FASN: variants seen among roughly 807,000 people sequenced by gnomAD.
FASN encodes 3-hydroxyacyl-[acyl-carrier-protein] dehydratase.
A neutral mutation model predicts 250.0 loss-of-function variants in FASN; 50 were observed. The ratio of observed to expected loss-of-function variants is 0.20; its 90% CI spans 0.16 to 0.25. The LOEUF (loss-of-function observed/expected upper bound fraction) is 0.25, where lower values mean the gene tolerates loss of function less well. Among genes scored for constraint, FASN ranks in the 10% least tolerant of loss-of-function variants. The probability of loss-of-function intolerance (pLI) is 1.00; values close to 1 mark genes in which losing one functional copy is unlikely to be tolerated. For synonymous variants in FASN, 1,909 were observed against 1,584.0 expected (o/e 1.21, Z -4.87); for missense variants, 3,031 against 3,498.5 (o/e 0.87, Z 3.37).
intron 38 of FASN, 93 bp from the exon 39 acceptor site, chr17:82,081,015 T>C: frequency 7.2e-7 from 1 of 1,398,222 alleles, no homozygotes; most frequent in Non-Finnish European, 9.9e-7. Flanking sequence ...GTCCCCACGG[T>C]GCTACGTCAG....
At position 82,095,404 on chromosome 17, in the gene FASN, C is replaced by T. The variant is rs761309249; in HGVS notation, c.196G>A (p.Gly66Arg). 9 of 1,612,848 alleles carry T rather than the reference C, an allele frequency of 5.6e-6. No homozygotes were observed. Among genetic ancestry groups the T allele is most frequent in the African/African-American group, 1.3e-5 (1 of 74,936 alleles). ...GTGTGTGCCTGCTTGGGGTGGACTC[C>T]GAAGAAGGAGGCATCAAACCTAGAC... ...DLSRFDASFF[G>R]VHPKQAHTMD... Residue 66 changes from glycine to arginine, a missense_variant, in exon 3 of 43, where the codon GGA becomes AGA. Transcript: ENST00000306749.
At position 82,093,268 on chromosome 17, in the gene FASN, C is replaced by T; in HGVS notation, c.606G>A (p.Arg202=). The T allele has an allele frequency of 6.3e-7, 1 of 1,595,832 alleles. No individual in the cohort carries two copies. The highest frequency in any genetic ancestry group is 8.5e-7 in the Non-Finnish European group (1 of 1,172,160). The change falls in exon 5 of 43, where the codon AGG becomes AGA. Residue 202 remains arginine (R), a synonymous_variant. Transcript: ENST00000306749. ...LKPNTSVQFL[R]LGMLSPEGTC... Reference sequence around the variant, plus strand: ...TGCCCTCGGGGCTGAGCATCCCCAGCCTCAAGAACTGCACGGAGGTGTTGG... The same window carrying T: ...TGCCCTCGGGGCTGAGCATCCCCAGTCTCAAGAACTGCACGGAGGTGTTGG...
Position 82,079,809 on chromosome 17 carries a change from C to A in FASN, c.7147-201G>T, listed in dbSNP as rs984748077. ...CTCCTCCCTCCGCAACCTCCACCTA[C>A]CCGGTTCAAGCGATTCTCCTCCCGA... On this transcript the variant is annotated intron_variant, in intron 41 of 42. Coordinates refer to ENST00000306749, the MANE Select transcript of FASN (RefSeq NM_004104.5). The A allele has an allele frequency of 2.2e-5, 16 of 739,326 alleles. No individual in the cohort carries two copies. In the African/African-American group the frequency reaches 2.3e-4, roughly 11 times the overall value. 45.8% of individuals were successfully genotyped at this position (739,326 alleles called of 1,614,324 possible).
At chr17:82,079,778 G>A in intron 41 of FASN, 170 bp from the exon 42 acceptor site, 1 of 938,894 alleles carries the variant, frequency 1.1e-6, no homozygotes, top group Middle Eastern at 3.4e-4. Flanking sequence ...CCCGGTTCAA[G>A]CGATTCTCCT....
chr17:82,087,911 C>T (rs753214243), intron 18 of FASN, 43 bp downstream of exon 18: 80 of 1,611,666 alleles, frequency 5.0e-5, no homozygotes, highest in Non-Finnish European at 6.3e-5. Flanking sequence ...GCATGGCCAG[C>T]GGGCACAGCC....
rs780024238 is a variant in FASN, at chr17:82,087,374, G to C, written c.3174C>G (p.Asp1058Glu). ...LPTRVTAIHI[D>E]PATHRQKLYT... ...ACAGCTTCTGCCTGTGGGTGGCAGG[G>C]TCGATGTGGATGGCGGTGACACGGG... Residue 1058 changes from aspartate (D) to glutamate (E), a missense_variant, in exon 20 of 43, where the codon GAC becomes GAG. By Grantham distance (45) the Asp-to-Glu change is conservative (BLOSUM62 2). Transcript: ENST00000306749. 96 of 1,612,524 alleles carry C rather than the reference G, an allele frequency of 6.0e-5. No individual in the cohort carries two copies. Among genetic ancestry groups the C allele is most frequent in the Non-Finnish European group, 8.1e-5 (95 of 1,179,998 alleles).
At chr17:82,091,147 CA>C (rs1364774691) in intron 9 of FASN, 74 bp downstream of exon 9, 5 of 1,602,842 alleles carry the variant, frequency 3.1e-6, no homozygotes, top group Non-Finnish European at 4.2e-6. Flanking sequence ...GAGAGCACCT[CA>C]GGGGACCACC....
rs1248191866 is a variant in FASN at position 82,082,690 on chromosome 17, A to G, written c.5768-12T>C. 5.0e-6 allele frequency: 8 copies of G among 1,606,778 alleles called. No homozygotes were observed. Among genetic ancestry groups the G allele is most frequent in the South Asian group, 1.1e-5 (1 of 91,042 alleles). On this transcript the variant is annotated splice_polypyrimidine_tract_variant and intron_variant, in intron 33 of 42. Coordinates refer to ENST00000306749, the MANE Select transcript of FASN (RefSeq NM_004104.5). ...CTTGGCCTGGTAGCCTGCGGGACAC[A>G]GGACTGTGGGCTGGACTGGGCCAGG...
At chr17:82,079,957 C>A in intron 41 of FASN, 183 bp downstream of exon 41, 1 of 723,354 alleles carries the variant, frequency 1.4e-6, no homozygotes. Context: ...ATCTGCCCGC[C>A]TTAGCCTCCC....
Position 82,085,746 on chromosome 17 carries a change from C to T in FASN, c.3858G>A (p.Glu1286=). The T allele has an allele frequency of 1.3e-6, 2 of 1,564,796 alleles. No homozygotes were observed. Among genetic ancestry groups the T allele is most frequent in the Admixed American group, 1.9e-5 (1 of 52,938 alleles). The change falls in exon 23 of 43, where the codon GAG becomes GAA. Residue 1286 remains glutamate (E), a synonymous_variant. Transcript: ENST00000306749. Reference sequence around the variant, plus strand: ...CCTGGGCAACGTCGTGCTGCTGCAGCTCGGCCTGGGCAGCCTCCAGGGCCT... The same window carrying T: ...CCTGGGCAACGTCGTGCTGCTGCAGTTCGGCCTGGGCAGCCTCCAGGGCCT... ...HPQALEAAQA[E]LQQHDVAQGQ...
At position 82,083,642 on chromosome 17, in the gene FASN, A is replaced by AGGGGGCCAG; in HGVS notation, c.5219-12_5219-4dup. On this transcript the variant is annotated splice_region_variant and splice_polypyrimidine_tract_variant and intron_variant, in intron 30 of 42. Transcript: ENST00000306749. ...GGAGTTCAAGACCAGGTCAACGCCT[A>AGGGGGCCAG]GGGGGCCAGAGGGGCCAGACAATCA... 6.2e-7 allele frequency: 1 copy of AGGGGGCCAG among 1,605,654 alleles called. No homozygotes were observed. Among genetic ancestry groups the AGGGGGCCAG allele is most frequent in the Non-Finnish European group, 8.5e-7 (1 of 1,177,016 alleles).
Position 82,080,636 on chromosome 17 carries a change from C to T in FASN, c.6827-46G>A, listed in dbSNP as rs369518759. ...ACTCAGCATGTGCAGGCGGCAGCCA[C>T]GGGCCCCGTGATGGCCAGCACTGAC... On this transcript the variant is annotated intron_variant, in intron 39 of 42. Coordinates refer to ENST00000306749, the MANE Select transcript of FASN (RefSeq NM_004104.5). 4.4e-5 allele frequency: 69 copies of T among 1,551,770 alleles called. No homozygotes were observed. In the East Asian group the frequency reaches 9.5e-4, roughly 21 times the overall value.
At position 82,082,588 on chromosome 17, in the gene FASN, C is replaced by T. The variant is rs17848946; in HGVS notation, c.5858G>A (p.Arg1953Gln). 328 of 1,609,944 alleles carry T rather than the reference C, an allele frequency of 2.0e-4. 1 individual carries two copies. The East Asian group carries it at 2.5e-3, about 12-fold the overall frequency. The part of the protein sequence containing the change: ...TSNISSLEGA[R>Q]GLIAEAAQLG... Reference sequence around the variant, plus strand: ...CTGCGCCGCCTCGGCAATGAGGCCCCGGGCCCCCTCCAGTGAGCTGATGTT... The same window carrying T: ...CTGCGCCGCCTCGGCAATGAGGCCCTGGGCCCCCTCCAGTGAGCTGATGTT... Residue 1953 changes from arginine to glutamine, a missense_variant, in exon 34 of 43, where the codon CGG (arginine) becomes CAG (glutamine). By Grantham distance (43) the Arg-to-Gln change is conservative. Coordinates refer to ENST00000306749, the MANE Select transcript of FASN (RefSeq NM_004104.5).
At position 82,083,992 on chromosome 17, in the gene FASN, C is replaced by T. The variant is rs561903908; in HGVS notation, c.5081G>A (p.Arg1694His). Residue 1694 changes from arginine (R) to histidine (H), a missense_variant, in exon 29 of 43, where the codon CGC becomes CAC. Transcript: ENST00000306749. Reference protein sequence around the residue: ...AIAIALSLGCRVFTTVGSAEK... With the variant: ...AIAIALSLGCHVFTTVGSAEK... Reference sequence around the variant, plus strand: ...GGCCTTACCCACGGTGGTGAAGACGCGGCAGCCCAGACTGAGGGCGATGGC... The same window carrying T: ...GGCCTTACCCACGGTGGTGAAGACGTGGCAGCCCAGACTGAGGGCGATGGC... 1.7e-4 allele frequency: 264 copies of T among 1,539,420 alleles called. No individual in the cohort carries two copies. Among genetic ancestry groups the T allele is most frequent in the African/African-American group, 2.7e-4 (20 of 73,076 alleles).
Position 82,092,972 on chromosome 17 carries a change from T to C in FASN, c.703A>G (p.Lys235Glu). The C allele has an allele frequency of 1.2e-6, 2 of 1,612,170 alleles. No homozygotes were observed. Among genetic ancestry groups the C allele is most frequent in the Non-Finnish European group, 1.7e-6 (2 of 1,179,790 alleles). Residue 235 changes from lysine to glutamate, a missense_variant, in exon 6 of 43, where the codon AAG becomes GAG. Transcript: ENST00000306749. ...SEGVVAVLLTKKSLARRVYAT... is the reference protein window; with the variant it reads ...SEGVVAVLLTEKSLARRVYAT... ...TACACCCGCCGGGCCAGGGACTTCT[T>C]GGTCAGCAGGACGGCCACCACACCC...
At chr17:82,080,003 C>T (rs534808224) in intron 41 of FASN, 137 bp downstream of exon 41, 40 of 972,454 alleles carry the variant, frequency 4.1e-5, no homozygotes, top group South Asian at 1.4e-4. Flanking sequence ...CAACCGCATC[C>T]GGCCGGGATC....
chr17:82,088,444 C>T lies in FASN; in HGVS notation c.2539G>A (p.Ala847Thr), dbSNP rs762057164. 50 of 1,611,526 alleles carry T rather than the reference C, an allele frequency of 3.1e-5. 1 individual carries two copies. The Middle Eastern group carries it at 4.9e-4, about 16-fold the overall frequency. ...CCTGAACCGTTGGGGAAGTCCTCGG[C>T]GGCCGGCACGTCCCAGGCCAGGCTG... ...DHSLAWDVPA[A>T]EDFPNGSGSP... The change falls in exon 16 of 43, where the codon GCC becomes ACC. Residue 847 changes from alanine (A) to threonine (T), a missense_variant. Transcript: ENST00000306749.
chr17:82,080,456 G>T lies in FASN; in HGVS notation c.6961C>A (p.Leu2321Met), dbSNP rs755122528. 2 of 1,591,042 alleles carry T rather than the reference G, an allele frequency of 1.3e-6. No homozygotes were observed. The highest frequency in any genetic ancestry group is 1.7e-6 in the Non-Finnish European group (2 of 1,169,520). The change falls in exon 40 of 43, where the codon CTG (leucine) becomes ATG (methionine). Residue 2321 changes from leucine to methionine, a missense_variant. By Grantham distance (15) the Leu-to-Met change is conservative (BLOSUM62 2). Transcript: ENST00000306749. ...GGGGCTGGGCTCTGCTGGGCCTGCAGCTGGGAGCACATTTCAAAGGCCACG... is the reference window on the plus strand; with the variant it reads ...GGGGCTGGGCTCTGCTGGGCCTGCATCTGGGAGCACATTTCAAAGGCCACG... ...ACVAFEMCSQ[L>M]QAQQSPAPTH...
intron 15 of FASN, 37 bp downstream of exon 15, chr17:82,088,724 C>T: frequency 1.3e-6 from 2 of 1,582,468 alleles, no homozygotes; most frequent in African/African-American, 1.3e-5. Context: ...CCGTCCCCGA[C>T]TCCGGGAGAC....
Sources: allele counts gnomAD v4.1 joint callset, GRCh38; gene constraint gnomAD v4.1.1; transcripts MANE v1.5; gene names NCBI Gene and HGNC (gene_info 2026-07-23, HGNC 2026-07-21).